VPS33B: variants seen among roughly 807,000 people sequenced by gnomAD.
VPS33B encodes the protein VPS33B late endosome and lysosome associated, also known as vacuolar protein sorting-associated protein 33B.
In VPS33B, 80 loss-of-function variants were observed where a neutral mutation model predicts 95.3. The ratio of observed to expected loss-of-function variants is 0.84; its 90% confidence interval spans 0.70 to 1.01. VPS33B has a LOEUF of 1.01. VPS33B is among the 50% of genes least tolerant of loss of function. The probability of loss-of-function intolerance (pLI) is 0.00; values close to 1 mark genes in which losing one functional copy is unlikely to be tolerated. For missense variants in VPS33B, 715 were observed against 773.4 expected (o/e 0.92, Z 0.90); for synonymous variants, 280 against 280.4 (o/e 1.00, Z 0.01).
chr15:91,007,813 G>T lies in VPS33B; in HGVS notation c.498+57C>A. ...GTTATATTGGTATTTCTAGCCCTCT[G>T]CATCCCACATTTGTCCCCATCCCCT... On this transcript the variant is annotated intron_variant, in intron 7 of 22. Coordinates refer to ENST00000333371, the MANE Select transcript of VPS33B (RefSeq NM_018668.5). The surrounding 1 kb of genome is among the most constrained non-coding windows in gnomAD (Gnocchi z 5.3). The T allele has an allele frequency of 6.7e-7, 1 of 1,500,744 alleles. No individual in the cohort carries two copies. Among genetic ancestry groups the T allele is most frequent in the South Asian group, 1.1e-5 (1 of 88,762 alleles). The allele number at this position is 1,500,744 out of a possible 1,614,324, so 93.0% of individuals were successfully genotyped here.
At position 90,999,158 on chromosome 15, in the gene VPS33B, C is replaced by G. The variant is rs960758690; in HGVS notation, c.1775-104G>C. ...CCACAGTCCCCACGGGATCACAGCACCAGTTTATAGACAGAGACGTGAGTG... is the reference window on the plus strand; with the variant it reads ...CCACAGTCCCCACGGGATCACAGCAGCAGTTTATAGACAGAGACGTGAGTG... On this transcript the variant is annotated intron_variant, in intron 22 of 22. Coordinates refer to ENST00000333371, the MANE Select transcript of VPS33B (RefSeq NM_018668.5). This position sits in a 1 kb window ranked among gnomAD's most constrained non-coding sequence, Gnocchi z 5.1. 5.7e-6 allele frequency: 6 copies of G among 1,051,730 alleles called. No individual in the cohort carries two copies. In the African/African-American group the frequency reaches 6.3e-5, roughly 11 times the overall value. The allele number at this position is 1,051,730 out of a possible 1,614,324, so 65.1% of individuals were successfully genotyped here.
chr15:91,017,370 AT>A (rs2040965028), intron 2 of VPS33B, among the ~76,000 whole-genome samples: 436 of 26,952 alleles, frequency 0.016, 87 homozygotes, highest in African/African-American at 0.039. Context: ...AAAATTAAAT[AT>A]ATATATATAT....
rs990755888 is a variant in VPS33B, at chr15:91,009,006, A to G, written c.403+795T>C. On this transcript the variant is annotated intron_variant, in intron 6 of 22. Coordinates refer to ENST00000333371, the MANE Select transcript of VPS33B (RefSeq NM_018668.5). This position sits in a 1 kb window ranked among gnomAD's most constrained non-coding sequence, Gnocchi z 4.1. ...TGGGACAGGAGGGGCCAGACTGTGC[A>G]AGGGATAGGAGGCATGTTGGGGATT... 4.6e-5 allele frequency among the ~76,000 whole-genome samples: 7 copies of G among 152,150 alleles called. 1 individual carries two copies. The highest frequency in any genetic ancestry group is 1.7e-4 in the African/African-American group (7 of 41,444).
chr15:91,005,068 T>C lies in VPS33B; in HGVS notation c.1157A>G (p.His386Arg). Residue 386 changes from histidine to arginine, a missense_variant, in exon 15 of 23, where the codon CAC (histidine) becomes CGC (arginine). By Grantham distance (29) the His-to-Arg change is conservative (BLOSUM62 0). Transcript: ENST00000333371. This position sits in a 1 kb window ranked among gnomAD's most constrained non-coding sequence, Gnocchi z 6.4. ...CCACCTGCGCACCTGCCGGTCTATG[T>C]GTTCCTCAATGTAGCTGGTGCTCTC... ...IRESTSYIEE[H>R]IDRQVSPIES... 4 of 1,614,266 alleles carry C rather than the reference T, an allele frequency of 2.5e-6. No individual in the cohort carries two copies. Among genetic ancestry groups the C allele is most frequent in the Non-Finnish European group, 3.4e-6 (4 of 1,180,046 alleles).
rs766874578 is a variant in VPS33B, at chr15:91,007,522, T to C, written c.550A>G (p.Ser184Gly). 4 of 1,614,138 alleles carry C rather than the reference T, an allele frequency of 2.5e-6. No homozygotes were observed. Among genetic ancestry groups the C allele is most frequent in the Non-Finnish European group, 3.4e-6 (4 of 1,179,968 alleles). Residue 184 changes from serine to glycine, a missense_variant, in exon 8 of 23, where the codon AGC (serine) becomes GGC (glycine). By Grantham distance (56) the Ser-to-Gly change is moderately conservative (BLOSUM62 0). Transcript: ENST00000333371. This position sits in a 1 kb window ranked among gnomAD's most constrained non-coding sequence, Gnocchi z 5.3. ...TTTGGAAAGGGTCCATAGAGAGTGC[T>C]GAGAAGGTGTAAGGCCTGAGCTACA... ...NTVAQALHLL[S>G]TLYGPFPNCY...
rs2151671739 is a variant in VPS33B at position 91,007,389 on chromosome 15, G to A, written c.603+80C>T. 1 of 1,303,642 alleles carries A rather than the reference G, an allele frequency of 7.7e-7. No individual in the cohort carries two copies. Among genetic ancestry groups the A allele is most frequent in the Non-Finnish European group, 1.1e-6 (1 of 897,520 alleles). The allele number at this position is 1,303,642 out of a possible 1,614,324, so 80.8% of individuals were successfully genotyped here. A position where few individuals can be genotyped will look rare whatever the true frequency, so the allele number is the denominator to read the frequency against. ...GTAAAGAATACACCTCATATCACAG[G>A]TGCCCTTGGATAACCCCAGGAGGGT... On this transcript the variant is annotated intron_variant, in intron 8 of 22. Coordinates refer to ENST00000333371, the MANE Select transcript of VPS33B (RefSeq NM_018668.5). This position sits in a 1 kb window ranked among gnomAD's most constrained non-coding sequence, Gnocchi z 5.3.
Position 91,002,970 on chromosome 15 carries a change from T to G in VPS33B, c.1272+115A>C. The G allele has an allele frequency of 8.6e-7, 1 of 1,161,820 alleles. No individual in the cohort carries two copies. The highest frequency in any genetic ancestry group is 1.3e-6 in the Non-Finnish European group (1 of 769,516). The allele number at this position is 1,161,820 out of a possible 1,614,324, so 72.0% of individuals were successfully genotyped here. On this transcript the variant is annotated intron_variant, in intron 17 of 22. Transcript: ENST00000333371. The surrounding 1 kb of genome is among the most constrained non-coding windows in gnomAD (Gnocchi z 4.7). ...AGTAGCTCTAAGAGGGAGGCCTGAA[T>G]GGAAACAGGAGGGTAATGGAGGCAG...
chr15:91,007,828 C>G lies in VPS33B; in HGVS notation c.498+42G>C. 1 of 1,576,410 alleles carries G rather than the reference C, an allele frequency of 6.3e-7. No individual in the cohort carries two copies. Among genetic ancestry groups the G allele is most frequent in the African/African-American group, 1.3e-5 (1 of 74,248 alleles). On this transcript the variant is annotated intron_variant, in intron 7 of 22. Transcript: ENST00000333371. This position sits in a 1 kb window ranked among gnomAD's most constrained non-coding sequence, Gnocchi z 5.3. ...CTAGCCCTCTGCATCCCACATTTGTCCCCATCCCCTGATGCCAAGACACAA... is the reference window on the plus strand; with the variant it reads ...CTAGCCCTCTGCATCCCACATTTGTGCCCATCCCCTGATGCCAAGACACAA...
chr15:91,005,298 A>C lies in VPS33B; in HGVS notation c.1105+82T>G. On this transcript the variant is annotated intron_variant, in intron 14 of 22. Transcript: ENST00000333371. The surrounding 1 kb of genome is among the most constrained non-coding windows in gnomAD (Gnocchi z 6.4). ...CAGTGTCAGCTGGAAAGAGCCAGAGAACATCTTTTAAGGGTGGGACGGGGC... is the reference window on the plus strand; with the variant it reads ...CAGTGTCAGCTGGAAAGAGCCAGAGCACATCTTTTAAGGGTGGGACGGGGC... The C allele has an allele frequency of 6.2e-7, 1 of 1,613,600 alleles. No individual in the cohort carries two copies. The highest frequency in any genetic ancestry group is 8.5e-7 in the Non-Finnish European group (1 of 1,179,890).
In VPS33B at chr15:91,007,140, C is replaced by T. The variant is rs2040633368; in HGVS notation, c.604-94G>A. ...CAGCCCTTTCCACGTGATACTTCCT[C>T]TTGTCCCCGAGACAGGAGCTAATTA... On this transcript the variant is annotated intron_variant, in intron 8 of 22. Coordinates refer to ENST00000333371, the MANE Select transcript of VPS33B (RefSeq NM_018668.5). The surrounding 1 kb of genome is among the most constrained non-coding windows in gnomAD (Gnocchi z 5.3). The T allele has an allele frequency of 7.4e-7, 1 of 1,355,048 alleles. No individual in the cohort carries two copies. 83.9% of individuals were successfully genotyped at this position (1,355,048 alleles called of 1,614,324 possible). A position where few individuals can be genotyped will look rare whatever the true frequency, so the allele number is the denominator to read the frequency against.
intron 5 of VPS33B, among the ~76,000 whole-genome samples, chr15:91,012,893 T>A (rs1319570811): frequency 6.6e-6 from 1 of 152,248 alleles, no homozygotes; most frequent in African/African-American, 2.4e-5. Flanking sequence ...TTCAGTTCCC[T>A]CAGCTGCTCA....
chr15:91,013,726 G>T lies in VPS33B; in HGVS notation c.357+78C>A. Reference sequence around the variant, plus strand: ...GAAAACGAACGGAGACAGGGAGGTAGTGCTGTTGGCCCCTTACCCCTGCCC... The same window carrying T: ...GAAAACGAACGGAGACAGGGAGGTATTGCTGTTGGCCCCTTACCCCTGCCC... On this transcript the variant is annotated intron_variant, in intron 5 of 22. Coordinates refer to ENST00000333371, the MANE Select transcript of VPS33B (RefSeq NM_018668.5). The surrounding 1 kb of genome is among the most constrained non-coding windows in gnomAD (Gnocchi z 4.5). 6.9e-7 allele frequency: 1 copy of T among 1,454,228 alleles called. No homozygotes were observed. Among genetic ancestry groups the T allele is most frequent in the Non-Finnish European group, 9.7e-7 (1 of 1,035,912 alleles). 90.1% of individuals were successfully genotyped at this position (1,454,228 alleles called of 1,614,324 possible).
chr15:91,003,206 A>G (rs1567220175), intron 16 of VPS33B, 75 bp from the exon 17 acceptor site: 1 of 1,401,738 alleles, frequency 7.1e-7, no homozygotes, highest in Non-Finnish European at 1.0e-6. Context: ...CAGATCAACC[A>G]GCAACGAACG....
In VPS33B at chr15:91,005,550, G is replaced by A. The variant is rs1208427359; in HGVS notation, c.1031-96C>T. On this transcript the variant is annotated intron_variant, in intron 13 of 22. Transcript: ENST00000333371. The surrounding 1 kb of genome is among the most constrained non-coding windows in gnomAD (Gnocchi z 6.4). Reference sequence around the variant, plus strand: ...TAAAAAACCTCCTAAGGCAAAATCCGAAAGCACTTCTTCCCACTTTACACC... The same window carrying A: ...TAAAAAACCTCCTAAGGCAAAATCCAAAAGCACTTCTTCCCACTTTACACC... The A allele has an allele frequency of 3.8e-6, 6 of 1,593,452 alleles. No homozygotes were observed. Among genetic ancestry groups the A allele is most frequent in the African/African-American group, 2.7e-5 (2 of 74,436 alleles).
Position 90,999,909 on chromosome 15 carries a change from CAA to C in VPS33B, c.1646_1647del (p.Phe549CysfsTer7). 1 of 1,614,234 alleles carries C rather than the reference CAA, an allele frequency of 6.2e-7. No individual in the cohort carries two copies. On this transcript the variant is annotated frameshift_variant, in exon 21 of 23. Transcript: ENST00000333371. LOFTEE classifies it high-confidence loss of function. The surrounding 1 kb of genome is among the most constrained non-coding windows in gnomAD (Gnocchi z 5.1). ...EVVRLLNCSD[F>X]AFTDMTKEDK... ...TGTTAATGCCACATACCTGTGAATG[CAA>C]AGTCACTGCAGTTGAGCAGCCGTAC...
In VPS33B at chr15:91,018,041, G is replaced by A. The variant is rs1009917453; in HGVS notation, c.97-156C>T. ...ACCTTATTTATTATCTGTATCCACAGTTGACACTTCTCTGTATATTTACCT... is the reference window on the plus strand; with the variant it reads ...ACCTTATTTATTATCTGTATCCACAATTGACACTTCTCTGTATATTTACCT... On this transcript the variant is annotated intron_variant, in intron 1 of 22. Transcript: ENST00000333371. This position sits in a 1 kb window ranked among gnomAD's most constrained non-coding sequence, Gnocchi z 4.7. The A allele has an allele frequency of 1.4e-6, 1 of 712,316 alleles. No homozygotes were observed. The highest frequency in any genetic ancestry group is 1.7e-5 in the African/African-American group (1 of 57,370). 44.1% of individuals were successfully genotyped at this position (712,316 alleles called of 1,614,324 possible).
In VPS33B at chr15:91,000,014, G is replaced by T. The variant is rs1453180365; in HGVS notation, c.1582-39C>A. 2 of 1,612,140 alleles carry T rather than the reference G, an allele frequency of 1.2e-6. No homozygotes were observed. The highest frequency in any genetic ancestry group is 2.2e-5 in the South Asian group (2 of 90,986). ...AGCACTGTTTTTAAGGCTACAGACA[G>T]TATCAGGCTTAGGAAAGGAAGGGCA... On this transcript the variant is annotated intron_variant, in intron 20 of 22. Transcript: ENST00000333371. This position sits in a 1 kb window ranked among gnomAD's most constrained non-coding sequence, Gnocchi z 4.9.
In VPS33B at chr15:91,002,675, CAAA is replaced by C. The variant is rs1567219882; in HGVS notation, c.1272+407_1272+409del. ...AAGAAAAGAAATAATTAGCACCAAA[CAAA>C]GAAGAATAAAAAGCAGCATGAGACT... On this transcript the variant is annotated intron_variant, in intron 17 of 22. Transcript: ENST00000333371. The surrounding 1 kb of genome is among the most constrained non-coding windows in gnomAD (Gnocchi z 4.7). Among the ~76,000 whole-genome samples, 1 of 146,482 alleles carries C rather than the reference CAAA, an allele frequency of 6.8e-6. No individual in the cohort carries two copies. The highest frequency in any genetic ancestry group is 1.5e-5 in the Non-Finnish European group (1 of 65,824).
rs1238030579 is a variant in VPS33B at position 91,019,832 on chromosome 15, T to A, written c.97-1947A>T. On this transcript the variant is annotated intron_variant, in intron 1 of 22. Coordinates refer to ENST00000333371, the MANE Select transcript of VPS33B (RefSeq NM_018668.5). ...TAATTTTTTTTTTTTTGAGATGGAGTATCGCTTTTGTTGCCCAGGCTGGAG... is the reference window on the plus strand; with the variant it reads ...TAATTTTTTTTTTTTTGAGATGGAGAATCGCTTTTGTTGCCCAGGCTGGAG... Among the ~76,000 whole-genome samples, 3 of 150,192 alleles carry A rather than the reference T, an allele frequency of 2.0e-5. No homozygotes were observed. The East Asian group carries it at 5.9e-4, about 30-fold the overall frequency.
Sources: gnomAD v4.1 joint callset for allele counts (sites outside exome capture counted in the v4.1 genomes callset) on GRCh38, gnomAD v4.1.1 for gene constraint, Gnocchi (gnomAD v3.1) non-coding constraint, MANE v1.5 for transcripts, NCBI Gene and HGNC (gene_info 2026-07-23, HGNC 2026-07-21) for gene names.